The following PSMA6 variants were observed in gnomAD, a reference collection of about 807,000 sequenced individuals.
PSMA6 encodes the protein proteasome 20S subunit alpha 6, also known as proteasome subunit alpha type-6.
For missense variants in PSMA6, 170 were observed against 294.8 expected (o/e 0.58, Z 3.10); for synonymous variants, 88 against 97.7 (o/e 0.90, Z 0.59).
At chr14:35,314,289 A>G (rs1367696512) in intron 5 of PSMA6, 72 bp from the exon 6 acceptor site, 1 of 1,395,200 alleles carries the variant, frequency 7.2e-7, no homozygotes, top group African/African-American at 1.5e-5. Context: ...CATGATTTGA[A>G]TAAGCTAGGA....
intron 1 of PSMA6, among the ~76,000 whole-genome samples, chr14:35,298,445 G>A (rs979641775): frequency 2.6e-5 from 4 of 151,704 alleles, no homozygotes; most frequent in East Asian, 1.9e-4. Context: ...AGCTGAGATC[G>A]CACTGCTGCA....
chr14:35,312,065 G>C (rs1368946282), intron 4 of PSMA6, among the ~76,000 whole-genome samples: 2 of 152,026 alleles, frequency 1.3e-5, no homozygotes, highest in East Asian at 3.8e-4. Context: ...TCCAGAAAAG[G>C]TATATGAAAG....
intron 1 of PSMA6, 151 bp downstream of exon 1, chr14:35,292,703 G>A (rs1409471638): frequency 7.2e-6 from 10 of 1,380,060 alleles, no homozygotes; most frequent in Non-Finnish European, 9.7e-6. Flanking sequence ...GAGCTCTGTG[G>A]TGTTTGCACC....
intron 1 of PSMA6, among the ~76,000 whole-genome samples, chr14:35,297,127 T>G (rs1051396105): frequency 2.0e-4 from 30 of 148,874 alleles, no homozygotes; most frequent in Non-Finnish European, 3.1e-4. Flanking sequence ...AAGTTTTTTT[T>G]TTTTTTTTTT....
At chr14:35,285,344 A>AAAAAC (rs1555335376) in intron 1 of PSMA6, among the ~76,000 whole-genome samples, 2 of 34,598 alleles carry the variant, frequency 5.8e-5, no homozygotes, top group African/African-American at 9.4e-5. Context: ...TATCTCAAAA[A>AAAAAC]AAACAAAAAA....
intron 1 of PSMA6, among the ~76,000 whole-genome samples, chr14:35,281,969 C>T (rs1363623581): frequency 6.6e-6 from 1 of 152,102 alleles, no homozygotes; most frequent in Non-Finnish European, 1.5e-5. Context: ...CCCTTTCCTC[C>T]AGCTCTTTCC....
At chr14:35,310,029 G>A (rs555932655) in intron 3 of PSMA6, among the ~76,000 whole-genome samples, 131 of 152,204 alleles carry the variant, frequency 8.6e-4, no homozygotes, top group Non-Finnish European at 1.5e-3. Flanking sequence ...TAGCTACTCA[G>A]GAGGCTGAGG....
chr14:35,306,821 A>G (rs11621075), intron 1 of PSMA6, among the ~76,000 whole-genome samples: 34,126 of 152,166 alleles, frequency 0.22, 3,914 homozygotes, highest in Non-Finnish European at 0.25. Context: ...GACAGCAGCT[A>G]GAAGTGCATA....
chr14:35,317,011 G>T, intron 6 of PSMA6: 1 of 387,008 alleles, frequency 2.6e-6, no homozygotes, highest in Non-Finnish European at 4.6e-6. Flanking sequence ...TTCTAAATCT[G>T]ATGTCAAAGT....
chr14:35,307,965 A>G, intron 1 of PSMA6, 29 bp from the exon 2 acceptor site: 1 of 1,603,858 alleles, frequency 6.2e-7, no homozygotes, highest in South Asian at 1.1e-5. Context: ...AATTTATTCC[A>G]ACTTAAAAAA....
At chr14:35,292,274 T>G (rs905133726), upstream of PSMA6, 24 of 1,383,100 alleles carry the variant, frequency 1.7e-5, no homozygotes, top group African/African-American at 3.3e-4. Context: ...CCTCCCGCCC[T>G]CACTCCACCA....
intron 1 of PSMA6, among the ~76,000 whole-genome samples, chr14:35,304,559 G>T (rs754335097): frequency 6.6e-6 from 1 of 151,874 alleles, no homozygotes; most frequent in Non-Finnish European, 1.5e-5. Context: ...GCGAAACCTC[G>T]TCTCTACTAA....
upstream of PSMA6, among the ~76,000 whole-genome samples, chr14:35,289,244 T>C (rs1190505931): frequency 6.6e-6 from 1 of 152,216 alleles, no homozygotes. Context: ...TTGTCTGAGC[T>C]GTATCAGTGA....
At chr14:35,304,591 G>A (rs569984904) in intron 1 of PSMA6, among the ~76,000 whole-genome samples, 6 of 152,078 alleles carry the variant, frequency 3.9e-5, no homozygotes, top group South Asian at 2.1e-4. Context: ...TTAGCTGGGC[G>A]TGGTTGTGCA....
rs1449584331 is a variant in PSMA6 at position 35,313,187 on chromosome 14, T to A, written c.588+128T>A. 4.6e-6 allele frequency: 4 copies of A among 864,980 alleles called. No homozygotes were observed. The East Asian group carries it at 1.3e-4, about 27-fold the overall frequency. 53.6% of individuals were successfully genotyped at this position (864,980 alleles called of 1,614,324 possible). Reference sequence around the variant, plus strand: ...TCAAGTTGTCAACTTAATAATGAAATTGATATCATACAGCTGACATAGGAA... The same window carrying A: ...TCAAGTTGTCAACTTAATAATGAAAATGATATCATACAGCTGACATAGGAA... On this transcript the variant is annotated intron_variant, in intron 5 of 6. Transcript: ENST00000261479.
intron 1 of PSMA6, among the ~76,000 whole-genome samples, chr14:35,302,762 CTCTT>C (rs1441213884): frequency 6.6e-6 from 1 of 152,050 alleles, no homozygotes; most frequent in African/African-American, 2.4e-5. Flanking sequence ...TATTCACTCA[CTCTT>C]TCCTTTCTCA....
intron 1 of PSMA6, among the ~76,000 whole-genome samples, chr14:35,293,714 A>G (rs773217726): frequency 1.3e-5 from 2 of 152,246 alleles, no homozygotes; most frequent in African/African-American, 2.4e-5. Context: ...AAACATGATT[A>G]AAGATAGAAC....
At chr14:35,301,038 T>C (rs17103180) in intron 1 of PSMA6, among the ~76,000 whole-genome samples, 2,588 of 152,298 alleles carry the variant, frequency 0.017, 74 homozygotes, top group African/African-American at 0.056. Flanking sequence ...ATCTAGGTTA[T>C]AGCTAAATCT....
intron 1 of PSMA6, among the ~76,000 whole-genome samples, chr14:35,304,806 T>C (rs1566558763): frequency 6.6e-6 from 1 of 151,674 alleles, no homozygotes; most frequent in Non-Finnish European, 1.5e-5. Flanking sequence ...AAATTGGGGG[T>C]TATGGCTCAT....
Sources: allele counts gnomAD v4.1 joint callset (sites outside exome capture counted in the v4.1 genomes callset), GRCh38; gene constraint gnomAD v4.1.1; transcripts MANE v1.5; gene names NCBI Gene and HGNC (gene_info 2026-07-23, HGNC 2026-07-21).